TMEM132D: variants seen among roughly 807,000 people sequenced by gnomAD.
The protein encoded by TMEM132D is transmembrane protein 132D.
TMEM132D carries 21 observed loss-of-function variants against 62.3 expected under a neutral mutation model. That is an observed-to-expected ratio of 0.34 (90% CI 0.24 to 0.49). The LOEUF (loss-of-function observed/expected upper bound fraction) is 0.49. Ranked by LOEUF, TMEM132D falls within the 20% of genes least tolerant of loss-of-function variation. The pLI is 0.99. For missense variants in TMEM132D, 1,346 were observed against 1,402.8 expected, an observed-to-expected ratio of 0.96 and a Z score of 0.65; for synonymous variants, 621 against 575.6, an observed-to-expected ratio of 1.08 and a Z score of -1.13.
At chr12:129,860,196 T>C (rs1226154878) in intron 1 of TMEM132D, among the ~76,000 whole-genome samples, 4 of 152,164 alleles carry the variant, frequency 2.6e-5, no homozygotes, top group African/African-American at 9.7e-5. Flanking sequence ...TGCAACTGGC[T>C]AAGAAAAACT....
chr12:129,870,265 G>C (rs1439604871), intron 1 of TMEM132D, among the ~76,000 whole-genome samples: 1 of 152,180 alleles, frequency 6.6e-6, no homozygotes, highest in African/African-American at 2.4e-5. Context: ...TTACAGGCAT[G>C]AGCCACCATG....
At chr12:129,106,941 A>G (rs1875520977) in intron 5 of TMEM132D, among the ~76,000 whole-genome samples, 1 of 152,186 alleles carries the variant, frequency 6.6e-6, no homozygotes, top group Non-Finnish European at 1.5e-5. Context: ...CAATAGAGGC[A>G]TGTTGTGGAA....
intron 1 of TMEM132D, among the ~76,000 whole-genome samples, chr12:129,807,503 T>C (rs1434638873): frequency 6.6e-6 from 1 of 152,220 alleles, no homozygotes; most frequent in Non-Finnish European, 1.5e-5. Context: ...AAATAGGATG[T>C]TCCTTATCCA....
intron 3 of TMEM132D, among the ~76,000 whole-genome samples, chr12:129,459,734 T>A (rs999849780): frequency 1.3e-5 from 2 of 152,246 alleles, no homozygotes; most frequent in African/African-American, 4.8e-5. Context: ...TCATATTTTT[T>A]ACTCACTTTT....
intron 4 of TMEM132D, among the ~76,000 whole-genome samples, chr12:129,227,984 T>C (rs1381417969): frequency 6.6e-6 from 1 of 152,178 alleles, no homozygotes; most frequent in Non-Finnish European, 1.5e-5. Flanking sequence ...TACCTGATTT[T>C]AAATGTGAGG....
At chr12:129,846,877 TCCA>T (rs2080478378) in intron 1 of TMEM132D, among the ~76,000 whole-genome samples, 1 of 152,256 alleles carries the variant, frequency 6.6e-6, no homozygotes, top group Non-Finnish European at 1.5e-5. Flanking sequence ...TATTTTTAAA[TCCA>T]CTATGAAAAT....
intron 4 of TMEM132D, among the ~76,000 whole-genome samples, chr12:129,317,026 C>A (rs1163592439): frequency 6.6e-6 from 1 of 151,984 alleles, no homozygotes; most frequent in Non-Finnish European, 1.5e-5. Flanking sequence ...TTATGTGAGT[C>A]CTTATGTGTT....
In TMEM132D at chr12:129,074,312, G is replaced by A. The variant is rs889851949; in HGVS notation, c.2863C>T (p.Gln955Ter). The change falls in exon 9 of 9, where the codon CAG becomes TAG. Residue 955 changes from glutamine (Q) to a stop codon, truncating the protein, a stop_gained. Transcript: ENST00000422113. LOFTEE classifies it low-confidence loss of function (END_TRUNC). ...YRHKQVPFEE[Q>*]EGMSHSHDWV... is the part of the protein sequence containing the mutation. The stretch of plus-strand genomic sequence containing the variant: ...TCATGAGAGTGACTCATCCCTTCCT[G>A]CTCCTCGAAGGGAACCTGTTTGTGT... The A allele has an allele frequency of 6.2e-7, 1 of 1,614,060 alleles. No homozygotes were observed. The highest frequency in any genetic ancestry group is 8.5e-7 in the Non-Finnish European group (1 of 1,180,026).
intron 3 of TMEM132D, among the ~76,000 whole-genome samples, chr12:129,373,239 C>T (rs1311437030): frequency 1.3e-5 from 2 of 152,182 alleles, no homozygotes; most frequent in African/African-American, 4.8e-5. Context: ...CACCTTCCAA[C>T]CCTCATTCCA....
chr12:129,347,541 C>T (rs1321217532), intron 3 of TMEM132D, among the ~76,000 whole-genome samples: 2 of 152,124 alleles, frequency 1.3e-5, no homozygotes, highest in Non-Finnish European at 2.9e-5. Flanking sequence ...TTCCTTTATA[C>T]CTTATACAAA....
intron 1 of TMEM132D, among the ~76,000 whole-genome samples, chr12:129,895,831 T>A (rs969644543): frequency 8.2e-5 from 12 of 146,472 alleles, no homozygotes; most frequent in African/African-American, 2.3e-4. Flanking sequence ...AAAAAAAAAA[T>A]TACTTGGTGA....
chr12:129,615,705 G>A (rs934346573), intron 2 of TMEM132D, among the ~76,000 whole-genome samples: 2 of 151,328 alleles, frequency 1.3e-5, no homozygotes, highest in African/African-American at 2.4e-5. Context: ...CCAGGAGGTC[G>A]AGGCTGCCGT....
At chr12:129,422,332 A>C (rs1474182678) in intron 3 of TMEM132D, among the ~76,000 whole-genome samples, 1 of 152,192 alleles carries the variant, frequency 6.6e-6, no homozygotes, top group African/African-American at 2.4e-5. Context: ...CATAATAAGA[A>C]GAGAACACCT....
chr12:129,657,569 C>T (rs531117546), intron 2 of TMEM132D, among the ~76,000 whole-genome samples: 3 of 152,322 alleles, frequency 2.0e-5, no homozygotes, highest in Non-Finnish European at 4.4e-5. Context: ...TGAAGGTCAT[C>T]GTTTGAGAGG....
intron 7 of TMEM132D, 120 bp from the exon 8 acceptor site, chr12:129,078,845 T>G (rs934704478): frequency 2.0e-6 from 2 of 976,208 alleles, no homozygotes; most frequent in African/African-American, 3.2e-5. Context: ...CCAGAATGAA[T>G]GAGAACAGGC....
chr12:129,610,067 C>T (rs530568904), intron 2 of TMEM132D, among the ~76,000 whole-genome samples: 2 of 152,228 alleles, frequency 1.3e-5, no homozygotes, highest in African/African-American at 4.8e-5. Context: ...GTCAGGTGCT[C>T]AAGACCAGCC....
At chr12:129,309,954 A>G (rs1320213077) in intron 4 of TMEM132D, among the ~76,000 whole-genome samples, 2 of 152,198 alleles carry the variant, frequency 1.3e-5, no homozygotes, top group African/African-American at 4.8e-5. Flanking sequence ...CCCGGTGTGG[A>G]AAAGTCATTT....
intron 4 of TMEM132D, among the ~76,000 whole-genome samples, chr12:129,317,194 T>C (rs889354857): frequency 2.6e-5 from 4 of 152,194 alleles, no homozygotes; most frequent in Non-Finnish European, 4.4e-5. Context: ...CTTTGGTTTT[T>C]TGTTGTTTTT....
chr12:129,195,336 G>A (rs1878517872), intron 5 of TMEM132D, among the ~76,000 whole-genome samples: 1 of 152,128 alleles, frequency 6.6e-6, no homozygotes, highest in African/African-American at 2.4e-5. Context: ...AGGATGGTAG[G>A]GGCTAAGAGG....
Sources: allele counts gnomAD v4.1 joint callset (sites outside exome capture counted in the v4.1 genomes callset), GRCh38; gene constraint gnomAD v4.1.1; transcripts MANE v1.5; gene names NCBI Gene and HGNC (gene_info 2026-07-23, HGNC 2026-07-21).